TMPRSS15: variants seen among roughly 807,000 people sequenced by gnomAD.
The protein encoded by TMPRSS15 is transmembrane serine protease 15.
In TMPRSS15, 128 loss-of-function variants were observed where a neutral mutation model predicts 125.3. The observed-to-expected ratio is 1.02, with a 90% CI of 0.89 to 1.18. The LOEUF (loss-of-function observed/expected upper bound fraction) is 1.18, where lower values mean the gene tolerates loss of function less well. TMPRSS15 is among the 50% of genes most tolerant of loss of function. The probability of loss-of-function intolerance (pLI) is 0.00; values close to 1 mark genes in which losing one functional copy is unlikely to be tolerated. For synonymous variants in TMPRSS15, 446 were observed against 423.2 expected, an observed-to-expected ratio of 1.05 and a Z score of -0.66; for missense variants, 1,283 against 1,212.7, an observed-to-expected ratio of 1.06 and a Z score of -0.86.
chr21:18,382,190 G>A (rs1269621876), intron 4 of TMPRSS15, among the ~76,000 whole-genome samples: 1 of 152,054 alleles, frequency 6.6e-6, no homozygotes, highest in Non-Finnish European at 1.5e-5. Context: ...TCTGTGTTTT[G>A]GTCTTCTCCC....
chr21:18,466,873 C>T (rs769785350), intron 1 of TMPRSS15, among the ~76,000 whole-genome samples: 71 of 152,036 alleles, frequency 4.7e-4, no homozygotes, highest in Non-Finnish European at 8.7e-4. Context: ...GATCTAGAAC[C>T]AGAAATACCA....
At chr21:18,482,185 A>G (rs866552217) in intron 1 of TMPRSS15, among the ~76,000 whole-genome samples, 8 of 151,394 alleles carry the variant, frequency 5.3e-5, no homozygotes, top group Non-Finnish European at 7.4e-5. Context: ...TATAATATAA[A>G]TAATTTTGAT....
chr21:18,374,011 G>T (rs1466326819), intron 5 of TMPRSS15, among the ~76,000 whole-genome samples: 1 of 152,144 alleles, frequency 6.6e-6, no homozygotes, highest in Non-Finnish European at 1.5e-5. Flanking sequence ...TTTAAAGAGA[G>T]ATTTAAAAAG....
chr21:18,478,932 C>G (rs114730553), intron 1 of TMPRSS15, among the ~76,000 whole-genome samples: 1 of 151,972 alleles, frequency 6.6e-6, no homozygotes, highest in African/African-American at 2.4e-5. Context: ...CACAGATATA[C>G]ATGTGGAATA....
At chr21:18,402,179 T>C (rs1345791485) in intron 1 of TMPRSS15, among the ~76,000 whole-genome samples, 2 of 152,318 alleles carry the variant, frequency 1.3e-5, no homozygotes, top group East Asian at 3.9e-4. Flanking sequence ...TTAAACTTAC[T>C]TATTTACTAG....
chr21:18,280,988 T>G, intron 22 of TMPRSS15, 52 bp downstream of exon 22: 3 of 1,563,578 alleles, frequency 1.9e-6, no homozygotes, highest in Middle Eastern at 1.7e-4. Flanking sequence ...GAAATCTAGT[T>G]TTGAATTAAT....
rs2824790 is a variant in TMPRSS15 at position 18,383,723 on chromosome 21, C to G, written c.400G>C (p.Glu134Gln). 0.27 allele frequency: 441,011 copies of G among 1,613,290 alleles called. 61,943 individuals are homozygous for G. Among genetic ancestry groups the G allele is most frequent in the Middle Eastern group, 0.33 (1,973 of 6,060 alleles). The change falls in exon 4 of 25, where the codon GAA (glutamate) becomes CAA (glutamine). Residue 134 changes from glutamate (E) to glutamine (Q), a missense_variant. Physicochemically the swap from Glu to Gln is conservative, Grantham distance 29. Coordinates refer to ENST00000284885, the MANE Select transcript of TMPRSS15 (RefSeq NM_002772.3). ...TGAATCAGTTCTTCTTTTACATTTT[C>G]ATCTGACACCCACTGGGCAAAGAAA... ...DLFFAQWVSDENVKEELIQGL... is the reference protein window; with the variant it reads ...DLFFAQWVSDQNVKEELIQGL...
chr21:18,275,147 T>C, intron 24 of TMPRSS15, 50 bp downstream of exon 24: 1 of 1,602,372 alleles, frequency 6.2e-7, no homozygotes, highest in Non-Finnish European at 8.5e-7. Flanking sequence ...GAAATAACTA[T>C]AACACCAGTG....
intron 4 of TMPRSS15, chr21:18,380,689 G>T: frequency 4.9e-6 from 2 of 404,198 alleles, no homozygotes; most frequent in South Asian, 3.7e-5. Flanking sequence ...CTGATCCTTT[G>T]GAGTTCCTAT....
chr21:18,413,309 T>TATTTTC (rs2076171468), intron 1 of TMPRSS15, among the ~76,000 whole-genome samples: 1 of 102,724 alleles, frequency 9.7e-6, no homozygotes, highest in Admixed American at 1.1e-4. Flanking sequence ...TTCTTTTCTT[T>TATTTTC]CTTTTCCTTC....
rs2076229957 is a variant in TMPRSS15 at position 18,437,256 on chromosome 21, A to G, written c.11-38927T>C. 1.3e-5 allele frequency among the ~76,000 whole-genome samples: 2 copies of G among 151,746 alleles called. 1 individual carries two copies. The highest frequency in any genetic ancestry group is 4.2e-4 in the South Asian group (2 of 4,806). On this transcript the variant is annotated intron_variant, in intron 1 of 7. Transcript: ENST00000422787. Reference sequence around the variant, plus strand: ...TCCCTATTTAATAAATGGTGCTGGGAAAACTGGCTAGCCATATGTAGAAAG... The same window carrying G: ...TCCCTATTTAATAAATGGTGCTGGGGAAACTGGCTAGCCATATGTAGAAAG...
intron 1 of TMPRSS15, among the ~76,000 whole-genome samples, chr21:18,459,770 T>A (rs1334135412): frequency 2.6e-5 from 4 of 152,208 alleles, no homozygotes; most frequent in Non-Finnish European, 5.9e-5. Context: ...TATCAATAAA[T>A]CTAAGAAGAA....
chr21:18,400,810 A>G (rs1392121361), intron 1 of TMPRSS15, among the ~76,000 whole-genome samples: 2 of 152,168 alleles, frequency 1.3e-5, no homozygotes, highest in Non-Finnish European at 2.9e-5. Context: ...GAATGGGAGG[A>G]AATACTTGCA....
intron 21 of TMPRSS15, 120 bp downstream of exon 21, chr21:18,294,150 T>C (rs546079151): frequency 1.7e-6 from 2 of 1,151,872 alleles, no homozygotes; most frequent in African/African-American, 3.0e-5. Flanking sequence ...ATGTTTATAA[T>C]GTCATAAACA....
chr21:18,442,841 G>A (rs145710973), intron 1 of TMPRSS15, among the ~76,000 whole-genome samples: 45 of 152,258 alleles, frequency 3.0e-4, no homozygotes, highest in African/African-American at 1.0e-3. Flanking sequence ...TTGAAATGAA[G>A]TATATTTTAA....
At chr21:18,333,235 CT>C (rs1450599393) in intron 13 of TMPRSS15, among the ~76,000 whole-genome samples, 1 of 152,014 alleles carries the variant, frequency 6.6e-6, no homozygotes, top group Non-Finnish European at 1.5e-5. Context: ...ACTTGTTCCC[CT>C]GAACGTAAAA....
chr21:18,480,924 G>A (rs57656281), intron 1 of TMPRSS15, among the ~76,000 whole-genome samples: 1 of 151,792 alleles, frequency 6.6e-6, no homozygotes, highest in Non-Finnish European at 1.5e-5. Context: ...CAAAAAGATA[G>A]CATAATGAAA....
chr21:18,385,510 A>G (rs925509456), intron 3 of TMPRSS15, among the ~76,000 whole-genome samples: 6 of 152,130 alleles, frequency 3.9e-5, no homozygotes, highest in Non-Finnish European at 5.9e-5. Context: ...TTTTATATCT[A>G]ATAAAAGAAC....
rs917124744 is a variant in TMPRSS15, at chr21:18,337,683, G to A, written c.1564+3730C>T. ...CCAGGAAAGAGGGAGGAAACTGAGC[G>A]TTATTACTCAGTCACTGATCTGGGA... On this transcript the variant is annotated intron_variant, in intron 13 of 24. Coordinates refer to ENST00000284885, the MANE Select transcript of TMPRSS15 (RefSeq NM_002772.3). Among the ~76,000 whole-genome samples the A allele has an allele frequency of 1.9e-4, 29 of 152,244 alleles. No homozygotes were observed. The East Asian group carries it at 2.5e-3, about 13-fold the overall frequency.
Sources: gnomAD v4.1 joint callset for allele counts (sites outside exome capture counted in the v4.1 genomes callset) on GRCh38, gnomAD v4.1.1 for gene constraint, MANE v1.5 for transcripts, NCBI Gene and HGNC (gene_info 2026-07-23, HGNC 2026-07-21) for gene names.